Variants in PPM1G observed in about 807,000 individuals in gnomAD.
PPM1G encodes the protein protein phosphatase 1G.
A neutral mutation model predicts 59.4 loss-of-function variants in PPM1G; 12 were observed. The ratio of observed to expected loss-of-function variants is 0.20; its 90% CI spans 0.13 to 0.33. The LOEUF is 0.33. Ranked by LOEUF, PPM1G falls within the 10% of genes least tolerant of loss-of-function variation. The pLI is 1.00. For missense variants in PPM1G, 392 were observed against 681.3 expected, an observed-to-expected ratio of 0.58 and a Z score of 4.73; for synonymous variants, 245 against 251.9, an observed-to-expected ratio of 0.97 and a Z score of 0.26.
intron 1 of PPM1G, among the ~76,000 whole-genome samples, chr2:27,401,556 T>C (rs2148426933): frequency 6.6e-6 from 1 of 152,334 alleles, no homozygotes; most frequent in African/African-American, 2.4e-5. Flanking sequence ...GCAGGCACGG[T>C]GGCTCATGCC....
At chr2:27,391,720 T>C (rs1250768093) in intron 1 of PPM1G, among the ~76,000 whole-genome samples, 1 of 151,868 alleles carries the variant, frequency 6.6e-6, no homozygotes, top group Non-Finnish European at 1.5e-5. Flanking sequence ...TTCTACAGGA[T>C]GTTCTTTTTT....
intron 1 of PPM1G, among the ~76,000 whole-genome samples, chr2:27,402,292 T>C (rs557678075): frequency 6.6e-6 from 1 of 152,330 alleles, no homozygotes; most frequent in East Asian, 1.9e-4. Flanking sequence ...TGATCAGACC[T>C]GTATAAATTT....
chr2:27,388,935 C>T (rs1683832014), intron 1 of PPM1G, among the ~76,000 whole-genome samples: 1 of 144,898 alleles, frequency 6.9e-6, no homozygotes, highest in South Asian at 2.2e-4. Flanking sequence ...ACATAGCAAA[C>T]AACCACAGAG....
chr2:27,381,939 C>A, intron 9 of PPM1G, 134 bp from the exon 10 acceptor site: 1 of 1,013,252 alleles, frequency 9.9e-7, no homozygotes. Flanking sequence ...CACAACGGCC[C>A]ACCTGCTAGT....
chr2:27,386,039 T>C (rs1683756502), intron 3 of PPM1G, 155 bp downstream of exon 3: 2 of 1,255,650 alleles, frequency 1.6e-6, no homozygotes, highest in Non-Finnish European at 2.2e-6. Flanking sequence ...AAGGCAAGTC[T>C]AAAAGGCGGC....
intron 1 of PPM1G, among the ~76,000 whole-genome samples, chr2:27,406,477 T>A (rs1050907827): frequency 2.6e-5 from 4 of 152,240 alleles, no homozygotes; most frequent in African/African-American, 9.6e-5. Flanking sequence ...TGATTAGGCA[T>A]ATTTATTCAA....
chr2:27,389,939 G>A (rs1398264458), intron 1 of PPM1G, among the ~76,000 whole-genome samples: 3 of 152,308 alleles, frequency 2.0e-5, no homozygotes, highest in South Asian at 4.1e-4. Context: ...CTGCACTCCA[G>A]CCTGGGTGAC....
chr2:27,405,504 A>G (rs892801875), intron 1 of PPM1G, among the ~76,000 whole-genome samples: 1 of 151,924 alleles, frequency 6.6e-6, no homozygotes, highest in Admixed American at 6.6e-5. Flanking sequence ...GCTAGAGTGC[A>G]GCGGTGAGAT....
intron 1 of PPM1G, among the ~76,000 whole-genome samples, chr2:27,405,047 C>T (rs1663321320): frequency 7.3e-6 from 1 of 137,896 alleles, no homozygotes; most frequent in Non-Finnish European, 1.5e-5. Flanking sequence ...TATAATTTTT[C>T]AGGCACCCCT....
At chr2:27,393,025 G>A (rs1683953719) in intron 1 of PPM1G, 1 of 1,434,900 alleles carries the variant, frequency 7.0e-7, no homozygotes, top group Non-Finnish European at 9.7e-7. Context: ...CAAATGTAAT[G>A]CAAAATGCAC....
chr2:27,392,972 C>A, intron 1 of PPM1G: 1 of 1,505,950 alleles, frequency 6.6e-7, no homozygotes, highest in Non-Finnish European at 9.1e-7. Context: ...TTGTCAGTGG[C>A]CAGTTTGTGC....
chr2:27,394,128 C>A lies in PPM1G; in HGVS notation c.121-6970G>T, dbSNP rs188271667. On this transcript the variant is annotated intron_variant, in intron 1 of 9. Transcript: ENST00000344034. ...GTCAGGCTGGTCTCGAACTCCTGAC[C>A]TCAGGTGATCCGCCTGCCTCGGCCT... Among the ~76,000 whole-genome samples the A allele has an allele frequency of 2.6e-3, 398 of 151,278 alleles. 3 individuals are homozygous for A. Among genetic ancestry groups the A allele is most frequent in the Middle Eastern group, 0.024 (7 of 292 alleles).
chr2:27,395,485 T>C (rs1684028441), intron 1 of PPM1G, among the ~76,000 whole-genome samples: 2 of 152,086 alleles, frequency 1.3e-5, no homozygotes, highest in African/African-American at 2.4e-5. Flanking sequence ...GCTGAGATCA[T>C]GCCGCTGCAC....
Position 27,382,771 on chromosome 2 carries a change from C to T in PPM1G, c.1202-166G>A, listed in dbSNP as rs1429911316. ...AGTTTTTCTAGTTTCAACCCTGCCA[C>T]CAGACTGCTGAACCTTAAGAAAGTC... is the stretch of plus-strand genomic sequence containing the variant. On this transcript the variant is annotated intron_variant, in intron 7 of 9. Transcript: ENST00000344034. The surrounding 1 kb of genome is among the most constrained non-coding windows in gnomAD (Gnocchi z 4.2). 6.6e-6 allele frequency among the ~76,000 whole-genome samples: 1 copy of T among 152,096 alleles called. No individual in the cohort carries two copies. The highest frequency in any genetic ancestry group is 1.5e-5 in the Non-Finnish European group (1 of 68,014).
In PPM1G at chr2:27,382,976, C is replaced by T. The variant is rs911923634; in HGVS notation, c.1202-371G>A. Among the ~76,000 whole-genome samples, 4 of 151,816 alleles carry T rather than the reference C, an allele frequency of 2.6e-5. No individual in the cohort carries two copies. The highest frequency in any genetic ancestry group is 5.9e-5 in the Non-Finnish European group (4 of 67,964). On this transcript the variant is annotated intron_variant, in intron 7 of 9. Coordinates refer to ENST00000344034, the MANE Select transcript of PPM1G (RefSeq NM_177983.3). The surrounding 1 kb of genome is among the most constrained non-coding windows in gnomAD (Gnocchi z 4.2). ...GAGTAGCTGGGATTACAGGCTTGCA[C>T]TACCATGCCCAGCTAATTTTTGTAT...
rs541298390 is a variant in PPM1G, at chr2:27,393,233, A to G, written c.121-6075T>C. Reference sequence around the variant, plus strand: ...TGGCAAAGTTCTTCAAAGCCACATCATCGCTGTCAAAGTAGTAAGCCACGC... The same window carrying G: ...TGGCAAAGTTCTTCAAAGCCACATCGTCGCTGTCAAAGTAGTAAGCCACGC... On this transcript the variant is annotated intron_variant, in intron 1 of 9. Coordinates refer to ENST00000344034, the MANE Select transcript of PPM1G (RefSeq NM_177983.3). 18 of 1,569,646 alleles carry G rather than the reference A, an allele frequency of 1.1e-5. 1 individual carries two copies. Among genetic ancestry groups the G allele is most frequent in the Middle Eastern group, 1.9e-4 (1 of 5,198 alleles).
At chr2:27,408,106 T>C (rs1406845108) in intron 1 of PPM1G, among the ~76,000 whole-genome samples, 1 of 152,072 alleles carries the variant, frequency 6.6e-6, no homozygotes, top group Non-Finnish European at 1.5e-5. Flanking sequence ...ACTCCAATCC[T>C]GAAATTTTAT....
chr2:27,388,482 G>A (rs1005051456), intron 1 of PPM1G, among the ~76,000 whole-genome samples: 11 of 152,080 alleles, frequency 7.2e-5, no homozygotes, highest in Non-Finnish European at 1.6e-4. Flanking sequence ...CAAATGGTAC[G>A]TAACTCCAGT....
intron 1 of PPM1G, chr2:27,393,421 G>C: frequency 1.7e-6 from 2 of 1,161,034 alleles, no homozygotes; most frequent in Non-Finnish European, 2.5e-6. Context: ...CGCGGCGCTG[G>C]AGCTGCGGCG....
Sources: gnomAD v4.1 joint callset for allele counts (sites outside exome capture counted in the v4.1 genomes callset) on GRCh38, gnomAD v4.1.1 for gene constraint, Gnocchi (gnomAD v3.1) non-coding constraint, MANE v1.5 for transcripts, NCBI Gene and HGNC (gene_info 2026-07-23, HGNC 2026-07-21) for gene names.